The following HABP4 variants were observed in gnomAD, a reference collection of about 807,000 sequenced individuals.
HABP4 encodes the protein intracellular hyaluronan-binding protein 4.
In HABP4, 32 loss-of-function variants were observed where a neutral mutation model predicts 44.1. That is an observed-to-expected ratio of 0.73 (90% confidence interval 0.55 to 0.97). The LOEUF is 0.97. HABP4 is among the 50% of genes least tolerant of loss of function. The pLI, the probability that HABP4 is intolerant of heterozygous loss-of-function variation, is 0.00. For synonymous variants in HABP4, 216 were observed against 218.0 expected (o/e 0.99, Z 0.08); for missense variants, 503 against 561.9 (o/e 0.90, Z 1.06).
At chr9:96,474,237 TGAATATTTA>T (rs1223614984) in intron 5 of HABP4, among the ~76,000 whole-genome samples, 3 of 152,304 alleles carry the variant, frequency 2.0e-5, no homozygotes, top group Admixed American at 6.5e-5. Flanking sequence ...ACAGTTAATA[TGAATATTTA>T]GACAGTGAGC....
chr9:96,467,168 C>T (rs1335754904), intron 4 of HABP4, among the ~76,000 whole-genome samples: 1 of 151,982 alleles, frequency 6.6e-6, no homozygotes, highest in Non-Finnish European at 1.5e-5. Flanking sequence ...GGTAATCCAC[C>T]TGCCTTGGCC....
chr9:96,457,796 A>G (rs745375134), intron 1 of HABP4, among the ~76,000 whole-genome samples: 1 of 152,216 alleles, frequency 6.6e-6, no homozygotes, highest in Non-Finnish European at 1.5e-5. Context: ...TGAGCCTGGG[A>G]GGCGGAGATT....
At chr9:96,459,067 G>C (rs1247233996) in intron 2 of HABP4, among the ~76,000 whole-genome samples, 1 of 152,150 alleles carries the variant, frequency 6.6e-6, no homozygotes, top group African/African-American at 2.4e-5. Context: ...TCTTGGTTCA[G>C]GAAATGATTG....
chr9:96,456,498 C>T (rs1832378274), intron 1 of HABP4, among the ~76,000 whole-genome samples: 2 of 151,754 alleles, frequency 1.3e-5, no homozygotes, highest in African/African-American at 2.4e-5. Flanking sequence ...CAGTGGCTCA[C>T]GCCTGTAATC....
At chr9:96,462,087 A>C (rs1273758900) in intron 2 of HABP4, among the ~76,000 whole-genome samples, 1 of 151,172 alleles carries the variant, frequency 6.6e-6, no homozygotes, top group Non-Finnish European at 1.5e-5. Context: ...AAGAGGTTGC[A>C]GTGAGCCGAG....
At position 96,490,033 on chromosome 9, in the gene HABP4, T is replaced by A. The variant is rs527438879; in HGVS notation, c.1237T>A (p.Ser413Thr). The A allele has an allele frequency of 6.3e-7, 1 of 1,592,830 alleles. No homozygotes were observed. Among genetic ancestry groups the A allele is most frequent in the African/African-American group, 1.3e-5 (1 of 74,626 alleles). Residue 413 changes from serine to threonine, a missense_variant, in exon 8 of 8, where the codon TCT (serine) becomes ACT (threonine). Ser to Thr is a moderately conservative substitution (Grantham distance 58). Around this residue, in one of 3 missense-constraint regions of HABP4, gnomAD observed 82 missense variants for 71.6 expected, o/e 1.15. Coordinates refer to ENST00000375249, the MANE Select transcript of HABP4 (RefSeq NM_014282.4). Reference sequence around the variant, plus strand: ...TGACCCGGAAGATTTCCCTGCGCTGTCTTGAAAGAGCCCTGTTTCCCAGCA... The same window carrying A: ...TGACCCGGAAGATTTCCCTGCGCTGACTTGAAAGAGCCCTGTTTCCCAGCA... Reference protein sequence around the residue: ...PDDPEDFPALS With the variant: ...PDDPEDFPALT
rs1832823897 is a variant in HABP4 at position 96,478,575 on chromosome 9, C to G, written c.828-5887C>G. Among the ~76,000 whole-genome samples the G allele has an allele frequency of 2.0e-5, 3 of 152,048 alleles. No individual in the cohort carries two copies. The South Asian group carries it at 6.2e-4, about 31-fold the overall frequency. On this transcript the variant is annotated intron_variant, in intron 5 of 7. Transcript: ENST00000375249. ...GCTGAACTCTTTTCCAACATCCTTG[C>G]TAGAACTTGCTATGGTCAGTTTTTA...
intron 2 of HABP4, 96 bp from the exon 3 acceptor site, chr9:96,465,241 C>G: frequency 1.3e-6 from 1 of 760,982 alleles, no homozygotes; most frequent in Non-Finnish European, 2.3e-6. Context: ...CCATTCTTTC[C>G]AGTATACTAT....
chr9:96,466,996 C>G (rs1030382498), intron 4 of HABP4, among the ~76,000 whole-genome samples: 2 of 149,754 alleles, frequency 1.3e-5, no homozygotes, highest in African/African-American at 5.0e-5. Flanking sequence ...GATCTCGGCT[C>G]ACTGCAACCT....
chr9:96,464,695 A>G (rs1429547391), intron 2 of HABP4, among the ~76,000 whole-genome samples: 1 of 152,200 alleles, frequency 6.6e-6, no homozygotes, highest in Non-Finnish European at 1.5e-5. Context: ...CTGGGGTCAA[A>G]TGACATGAAG....
At chr9:96,460,288 T>C (rs1333181205) in intron 2 of HABP4, among the ~76,000 whole-genome samples, 2 of 152,170 alleles carry the variant, frequency 1.3e-5, no homozygotes. Context: ...ACGAAGAATT[T>C]CCATCTGCCC....
chr9:96,477,856 C>T (rs1038068388), intron 5 of HABP4, among the ~76,000 whole-genome samples: 3 of 152,130 alleles, frequency 2.0e-5, no homozygotes, highest in African/African-American at 7.2e-5. Context: ...TTTGTAGGCC[C>T]TCTCTCTTGC....
rs938186554 is a variant in HABP4, at chr9:96,450,716, G to T, written c.349+88G>T. 1.5e-5 allele frequency: 16 copies of T among 1,068,666 alleles called. No individual in the cohort carries two copies. In the African/African-American group the frequency reaches 2.3e-4, roughly 16 times the overall value. The allele number at this position is 1,068,666 out of a possible 1,614,324, so 66.2% of individuals were successfully genotyped here. On this transcript the variant is annotated intron_variant, in intron 1 of 7. Transcript: ENST00000375249. The surrounding 1 kb of genome is among the most constrained non-coding windows in gnomAD (Gnocchi z 4.8). ...GGGCCGGTTTCAGGAGGAGGGGCCC[G>T]GGAACAGTAGGGAGAGTTGAGGGTC... is the stretch of plus-strand genomic sequence containing the variant.
chr9:96,450,590 A>G lies in HABP4; in HGVS notation c.311A>G (p.Gln104Arg). The G allele has an allele frequency of 1.6e-6, 2 of 1,284,018 alleles. No individual in the cohort carries two copies. The highest frequency in any genetic ancestry group is 5.1e-5 in the South Asian group (2 of 39,418). The allele number at this position is 1,284,018 out of a possible 1,614,324, so 79.5% of individuals were successfully genotyped here. ...AAGAGCCTCCCGGCGCCCGTCGCTC[A>G]GCGGCCCGATAGCCCCGGGGGCGGC... ...ERKSLPAPVA[Q>R]RPDSPGGGLQ... The change falls in exon 1 of 8, where the codon CAG becomes CGG. Residue 104 changes from glutamine (Q) to arginine (R), a missense_variant. Gln to Arg is a conservative substitution (Grantham distance 43). Around this residue, in one of 3 missense-constraint regions of HABP4, gnomAD observed 290 missense variants for 300.5 expected, o/e 0.97. Transcript: ENST00000375249. This position sits in a 1 kb window ranked among gnomAD's most constrained non-coding sequence, Gnocchi z 4.8.
intron 4 of HABP4, among the ~76,000 whole-genome samples, chr9:96,467,855 T>G (rs925728740): frequency 2.0e-5 from 3 of 152,180 alleles, no homozygotes; most frequent in African/African-American, 7.2e-5. Flanking sequence ...TCATCTGATT[T>G]ACCACCTTAT....
intron 2 of HABP4, 85 bp downstream of exon 2, chr9:96,458,626 C>CTTTTTTT (rs372291268): frequency 1.8e-6 from 1 of 560,728 alleles, no homozygotes; most frequent in African/African-American, 2.0e-5. Flanking sequence ...TTCTTTCTTT[C>CTTTTTTT]TTTTTTTTTT....
intron 2 of HABP4, among the ~76,000 whole-genome samples, chr9:96,462,460 A>C: frequency 6.6e-6 from 1 of 152,062 alleles, no homozygotes; most frequent in Non-Finnish European, 1.5e-5. Flanking sequence ...TAAAAAAAAA[A>C]AAAATTGCCA....
chr9:96,458,735 G>A (rs951174480), intron 2 of HABP4, among the ~76,000 whole-genome samples, 194 bp downstream of exon 2: 7 of 150,436 alleles, frequency 4.7e-5, no homozygotes, highest in African/African-American at 1.7e-4. Context: ...CAATTCTCCT[G>A]CCTCAGCCTC....
chr9:96,488,332 C>A lies in HABP4; in HGVS notation c.1185+58C>A. The A allele has an allele frequency of 1.7e-6, 2 of 1,176,370 alleles. No homozygotes were observed. Among genetic ancestry groups the A allele is most frequent in the Non-Finnish European group, 2.4e-6 (2 of 829,858 alleles). 72.9% of individuals were successfully genotyped at this position (1,176,370 alleles called of 1,614,324 possible). A position where few individuals can be genotyped will look rare whatever the true frequency, so the allele number is the denominator to read the frequency against. Reference sequence around the variant, plus strand: ...AGTTAATAAGGACAGTGCCCTGGGCCCAGGATGGTCTAATTTCAGAGGGTC... The same window carrying A: ...AGTTAATAAGGACAGTGCCCTGGGCACAGGATGGTCTAATTTCAGAGGGTC... On this transcript the variant is annotated intron_variant, in intron 7 of 7. Coordinates refer to ENST00000375249, the MANE Select transcript of HABP4 (RefSeq NM_014282.4). The surrounding 1 kb of genome is among the most constrained non-coding windows in gnomAD (Gnocchi z 4.6).
Sources: allele counts gnomAD v4.1 joint callset (sites outside exome capture counted in the v4.1 genomes callset), GRCh38; gene constraint gnomAD v4.1.1; regional missense constraint gnomAD v4.1.1; non-coding constraint Gnocchi (gnomAD v3.1); transcripts MANE v1.5; gene names NCBI Gene and HGNC (gene_info 2026-07-23, HGNC 2026-07-21).